KSR2: variants seen among roughly 807,000 people sequenced by gnomAD.
KSR2 encodes kinase suppressor of ras 2.
Under a neutral mutation model 107.8 loss-of-function variants are expected in KSR2, and 25 were observed. The observed-to-expected ratio is 0.23, with a 90% confidence interval of 0.17 to 0.32. The LOEUF (loss-of-function observed/expected upper bound fraction) is 0.32. Ranked by LOEUF, KSR2 falls within the 10% of genes least tolerant of loss-of-function variation. The pLI is 1.00. For synonymous variants in KSR2, 480 were observed against 507.0 expected (o/e 0.95, Z 0.71); for missense variants, 887 against 1,268.9 (o/e 0.70, Z 4.57).
chr12:117,595,707 C>T (rs751341829), intron 5 of KSR2, among the ~76,000 whole-genome samples: 1 of 152,194 alleles, frequency 6.6e-6, no homozygotes, highest in Non-Finnish European at 1.5e-5. Context: ...GCAGACAGTG[C>T]TTCACTGGGT....
chr12:117,515,653 C>A (rs530921800), intron 14 of KSR2, among the ~76,000 whole-genome samples: 9 of 152,162 alleles, frequency 5.9e-5, no homozygotes. Flanking sequence ...AGGCCAGGCA[C>A]GGTGGCTCAC....
At chr12:117,957,457 C>T (rs1235848519) in intron 1 of KSR2, among the ~76,000 whole-genome samples, 1 of 152,086 alleles carries the variant, frequency 6.6e-6, no homozygotes, top group Non-Finnish European at 1.5e-5. Flanking sequence ...TCCTGGCCAC[C>T]ATGTGTCTCC....
intron 1 of KSR2, among the ~76,000 whole-genome samples, chr12:117,966,611 T>TCACACACACACA (rs1377075943): frequency 7.9e-4 from 61 of 77,246 alleles, no homozygotes; most frequent in African/African-American, 2.8e-3. Context: ...TCTCTCTCTC[T>TCACACACACACA]CACACGCGCA....
At chr12:117,765,859 A>T (rs1373378312) in intron 3 of KSR2, among the ~76,000 whole-genome samples, 1 of 152,228 alleles carries the variant, frequency 6.6e-6, no homozygotes, top group African/African-American at 2.4e-5. Context: ...ACCATCAGAC[A>T]GAGCCTGAGC....
intron 7 of KSR2, among the ~76,000 whole-genome samples, chr12:117,574,923 C>T (rs1165628832): frequency 6.6e-6 from 1 of 151,636 alleles, no homozygotes; most frequent in Non-Finnish European, 1.5e-5. Flanking sequence ...ATCACTCCCT[C>T]CAGGGAAGGA....
chr12:117,462,332 AT>A lies in KSR2; in HGVS notation c.*4866del, dbSNP rs555684982. The A allele has an allele frequency of 8.6e-5, 13 of 150,610 alleles. No homozygotes were observed. Among genetic ancestry groups the A allele is most frequent in the Admixed American group, 6.6e-4 (10 of 15,066 alleles). The allele number at this position is 150,610 out of a possible 1,614,324, so 9.3% of individuals were successfully genotyped here. ...TGGAGAGAGGGTCTTTGCAGATATA[AT>A]TAGTTAAGATGAGGTCATACTGAAA... On this transcript the variant is annotated 3_prime_UTR_variant, in exon 20 of 20. Transcript: ENST00000339824.
At chr12:117,532,039 A>T (rs370708178) in intron 10 of KSR2, among the ~76,000 whole-genome samples, 10 of 152,164 alleles carry the variant, frequency 6.6e-5, no homozygotes, top group African/African-American at 2.4e-4. Flanking sequence ...CCATAATCCA[A>T]AATATTAATT....
chr12:117,645,344 A>G (rs1194665409), intron 5 of KSR2, among the ~76,000 whole-genome samples: 1 of 152,124 alleles, frequency 6.6e-6, no homozygotes, highest in Non-Finnish European at 1.5e-5. Flanking sequence ...ATTTGCTGAA[A>G]CCAGTATGTG....
At chr12:117,657,806 T>C (rs1005880801) in intron 5 of KSR2, among the ~76,000 whole-genome samples, 1 of 152,218 alleles carries the variant, frequency 6.6e-6, no homozygotes, top group Non-Finnish European at 1.5e-5. Context: ...AAAACTATTT[T>C]GTGTGTGCTA....
chr12:117,547,957 C>T (rs1157514959), intron 9 of KSR2, among the ~76,000 whole-genome samples: 5 of 151,974 alleles, frequency 3.3e-5, no homozygotes, highest in African/African-American at 1.2e-4. Context: ...ATTAGCCAGG[C>T]GTGGTGGTGG....
chr12:117,583,442 T>C (rs1230921687), intron 5 of KSR2, among the ~76,000 whole-genome samples: 4 of 150,040 alleles, frequency 2.7e-5, no homozygotes, highest in African/African-American at 9.9e-5. Flanking sequence ...GATGGATGGA[T>C]GGATGGATGG....
chr12:117,846,033 CCCTTCCTAACAGCCTGCCCTT>C (rs533536260), intron 3 of KSR2, among the ~76,000 whole-genome samples: 141 of 151,890 alleles, frequency 9.3e-4, no homozygotes, highest in African/African-American at 3.1e-3. Flanking sequence ...CACCAGCCTG[CCCTTCCTAACAGCCTGCCCTT>C]CCTAACAAAC....
At chr12:117,637,675 G>GTTTTTTT (rs56169273) in intron 5 of KSR2, among the ~76,000 whole-genome samples, 3,203 of 91,696 alleles carry the variant, frequency 0.035, 403 homozygotes, top group African/African-American at 0.051. Context: ...TCAGTTTTGG[G>GTTTTTTT]TTTTTTTTTT....
At chr12:117,693,118 GT>G (rs1158105805) in intron 4 of KSR2, among the ~76,000 whole-genome samples, 1 of 152,146 alleles carries the variant, frequency 6.6e-6, no homozygotes, top group Non-Finnish European at 1.5e-5. Flanking sequence ...AGGCGGGATG[GT>G]TGCCTAAGAG....
chr12:117,542,545 C>T (rs572863490), intron 9 of KSR2, among the ~76,000 whole-genome samples: 29 of 152,224 alleles, frequency 1.9e-4, no homozygotes, highest in African/African-American at 5.8e-4. Flanking sequence ...TCATGTTGCC[C>T]GTTTATAGCC....
intron 3 of KSR2, among the ~76,000 whole-genome samples, chr12:117,786,986 G>A (rs60225761): frequency 0.029 from 4,340 of 151,124 alleles, 225 homozygotes; most frequent in East Asian, 0.18. Context: ...CCAAGATCAC[G>A]CCACTGCACT....
At chr12:117,682,225 A>G (rs1885392263) in intron 4 of KSR2, among the ~76,000 whole-genome samples, 1 of 152,134 alleles carries the variant, frequency 6.6e-6, no homozygotes, top group South Asian at 2.1e-4. Context: ...CAATGAGAAC[A>G]TGTAGACACA....
At chr12:117,648,058 G>GGACA (rs1208179590) in intron 5 of KSR2, among the ~76,000 whole-genome samples, 2 of 152,044 alleles carry the variant, frequency 1.3e-5, no homozygotes, top group African/African-American at 4.8e-5. Context: ...AATCAGCAAG[G>GGACA]GACATACCAT....
intron 4 of KSR2, among the ~76,000 whole-genome samples, chr12:117,670,715 T>A (rs923247288): frequency 6.6e-6 from 1 of 152,112 alleles, no homozygotes; most frequent in Non-Finnish European, 1.5e-5. Flanking sequence ...TGTCTAGCAC[T>A]GATCCCTTTT....
Sources: gnomAD v4.1 joint callset for allele counts (sites outside exome capture counted in the v4.1 genomes callset) on GRCh38, gnomAD v4.1.1 for gene constraint, MANE v1.5 for transcripts, NCBI Gene and HGNC (gene_info 2026-07-23, HGNC 2026-07-21) for gene names.